Variants in RAD51B observed in about 807,000 individuals in gnomAD.
RAD51B encodes the protein DNA repair protein RAD51 homolog 2.
In RAD51B, 38 loss-of-function variants were observed where a neutral mutation model predicts 42.2. That is an observed-to-expected ratio of 0.90 (90% confidence interval 0.70 to 1.18). The LOEUF (loss-of-function observed/expected upper bound fraction) is 1.18. Among genes scored for constraint, RAD51B ranks in the 50% most tolerant of loss-of-function variants. RAD51B has a pLI of 0.00. For missense variants in RAD51B, 373 were observed against 400.7 expected (o/e 0.93, Z 0.59); for synonymous variants, 154 against 145.2 (o/e 1.06, Z -0.43).
downstream of RAD51B, among the ~76,000 whole-genome samples, chr14:68,596,864 C>T (rs542314039): frequency 6.6e-6 from 1 of 152,326 alleles, no homozygotes; most frequent in Admixed American, 6.5e-5. Context: ...GGCAACACAC[C>T]CAGAAGGTGG....
At chr14:68,275,347 G>C (rs1338820689) in intron 7 of RAD51B, among the ~76,000 whole-genome samples, 2 of 152,166 alleles carry the variant, frequency 1.3e-5, no homozygotes, top group Non-Finnish European at 2.9e-5. Flanking sequence ...TGAACCTCTA[G>C]TTGAGCTTTG....
chr14:67,905,455 G>A (rs1469524185), intron 7 of RAD51B, among the ~76,000 whole-genome samples: 1 of 152,106 alleles, frequency 6.6e-6, no homozygotes, highest in Non-Finnish European at 1.5e-5. Context: ...TGTGAAAAAT[G>A]TTGGTAGTTT....
chr14:68,275,840 A>ACACACACACCCC (rs780326389), intron 7 of RAD51B, among the ~76,000 whole-genome samples: 5 of 134,852 alleles, frequency 3.7e-5, no homozygotes, highest in African/African-American at 1.4e-4. Flanking sequence ...ACACACACAC[A>ACACACACACCCC]CCCTTGAATT....
At chr14:68,279,169 T>G (rs545989812) in intron 7 of RAD51B, among the ~76,000 whole-genome samples, 9 of 152,282 alleles carry the variant, frequency 5.9e-5, no homozygotes, top group African/African-American at 9.6e-5. Flanking sequence ...ACAGGCAGAT[T>G]TAGTCATTTC....
chr14:68,662,882 A>C (rs941749121), intron 11 of RAD51B, among the ~76,000 whole-genome samples: 6 of 152,164 alleles, frequency 3.9e-5, no homozygotes, highest in African/African-American at 1.4e-4. Context: ...TTGCCCCTCC[A>C]CAGCCACCCC....
intron 10 of RAD51B, among the ~76,000 whole-genome samples, chr14:68,569,653 C>G (rs1269670713): frequency 6.6e-6 from 1 of 152,212 alleles, no homozygotes; most frequent in African/African-American, 2.4e-5. Flanking sequence ...GGGCAAGATG[C>G]CGAACGTCCC....
chr14:68,397,986 T>A (rs948602676), intron 8 of RAD51B, among the ~76,000 whole-genome samples: 6 of 152,238 alleles, frequency 3.9e-5, no homozygotes, highest in Non-Finnish European at 7.3e-5. Context: ...CATATGCTGA[T>A]TCCTATCAGG....
intron 10 of RAD51B, among the ~76,000 whole-genome samples, chr14:68,583,957 C>G (rs770076864): frequency 6.6e-6 from 1 of 152,162 alleles, no homozygotes. Flanking sequence ...GCCACAGCAC[C>G]GGCCACTCCA....
chr14:67,873,944 A>C (rs11851238), intron 5 of RAD51B, among the ~76,000 whole-genome samples: 1 of 94,900 alleles, frequency 1.1e-5, no homozygotes, highest in East Asian at 3.6e-4. Context: ...GTTGTGGGGT[A>C]GGGGGAGGGG....
intron 7 of RAD51B, among the ~76,000 whole-genome samples, chr14:67,909,604 A>G (rs563220599): frequency 6.6e-6 from 1 of 152,346 alleles, no homozygotes; most frequent in East Asian, 1.9e-4. Flanking sequence ...CATCAATTCA[A>G]TAAAATGCTG....
chr14:68,586,865 T>C (rs1208102160), intron 10 of RAD51B, among the ~76,000 whole-genome samples: 1 of 151,874 alleles, frequency 6.6e-6, no homozygotes, highest in Non-Finnish European at 1.5e-5. Flanking sequence ...ATTAGCTGGG[T>C]GTGGTGGCGT....
chr14:67,822,980 A>G (rs1031195936), intron 1 of RAD51B, among the ~76,000 whole-genome samples: 2 of 152,168 alleles, frequency 1.3e-5, no homozygotes, highest in African/African-American at 4.8e-5. Context: ...TAGTTTTCTC[A>G]TATGTAAAAA....
At chr14:68,530,270 C>A (rs1887193720) in intron 10 of RAD51B, among the ~76,000 whole-genome samples, 1 of 151,028 alleles carries the variant, frequency 6.6e-6, no homozygotes, top group Non-Finnish European at 1.5e-5. Context: ...GTGGCGAGAC[C>A]CCATCTCTAC....
chr14:68,343,115 G>T (rs1010501199), intron 8 of RAD51B, among the ~76,000 whole-genome samples: 1 of 107,026 alleles, frequency 9.3e-6, no homozygotes, highest in Non-Finnish European at 2.5e-5. Flanking sequence ...GATATCCATC[G>T]CTCCAAATAC....
At chr14:68,072,853 CTTGGTA>C (rs2076775198) in intron 7 of RAD51B, among the ~76,000 whole-genome samples, 1 of 152,042 alleles carries the variant, frequency 6.6e-6, no homozygotes, top group African/African-American at 2.4e-5. Context: ...GAGAGATTTT[CTTGGTA>C]TTGGTTTCTG....
intron 8 of RAD51B, among the ~76,000 whole-genome samples, chr14:68,361,195 C>A (rs559238494): frequency 6.6e-6 from 1 of 152,134 alleles, no homozygotes; most frequent in South Asian, 2.1e-4. Context: ...TACCCAATAT[C>A]CTTTAGTTCA....
At chr14:67,897,218 A>G (rs549290666) in intron 7 of RAD51B, among the ~76,000 whole-genome samples, 2 of 152,234 alleles carry the variant, frequency 1.3e-5, no homozygotes, top group Non-Finnish European at 2.9e-5. Flanking sequence ...ACAAATGCAC[A>G]GGTAACAAAA....
rs1212650420 is a variant in RAD51B, at chr14:67,904,398, C to T, written c.756+17194C>T. ...ATAAGCATTCCCTTTTCTCTGCAACCTTGCTAGCATCTATTATTTTTTGAG... is the reference window on the plus strand; with the variant it reads ...ATAAGCATTCCCTTTTCTCTGCAACTTTGCTAGCATCTATTATTTTTTGAG... On this transcript the variant is annotated intron_variant, in intron 7 of 10. Coordinates refer to ENST00000471583, the MANE Select transcript of RAD51B (RefSeq NM_133510.4). Among the ~76,000 whole-genome samples, 2 of 152,062 alleles carry T rather than the reference C, an allele frequency of 1.3e-5. 1 individual carries two copies.
chr14:68,477,817 T>G lies in RAD51B; in HGVS notation c.*153T>G. 1 of 1,470,402 alleles carries G rather than the reference T, an allele frequency of 6.8e-7. No homozygotes were observed. The highest frequency in any genetic ancestry group is 9.0e-7 in the Non-Finnish European group (1 of 1,112,106). 91.1% of individuals were successfully genotyped at this position (1,470,402 alleles called of 1,614,324 possible). A position where few individuals can be genotyped will look rare whatever the true frequency, so the allele number is the denominator to read the frequency against. On this transcript the variant is annotated 3_prime_UTR_variant, in exon 11 of 11. Coordinates refer to ENST00000471583, the MANE Select transcript of RAD51B (RefSeq NM_133510.4). ...GGTAACAGATTTGCTCCTAAACCAT[T>G]GAGCTAGCGATTTCAGACCTAGCAG...
Sources: allele counts gnomAD v4.1 joint callset (sites outside exome capture counted in the v4.1 genomes callset), GRCh38; gene constraint gnomAD v4.1.1; transcripts MANE v1.5; gene names NCBI Gene and HGNC (gene_info 2026-07-23, HGNC 2026-07-21).